The following DNAH8 variants were observed in gnomAD, a reference collection of about 807,000 sequenced individuals.
DNAH8 encodes dynein axonemal heavy chain 8.
DNAH8 carries 382 observed loss-of-function variants against 562.1 expected under a neutral mutation model. The ratio of observed to expected loss-of-function variants is 0.68; its 90% CI spans 0.63 to 0.74. DNAH8 has a LOEUF of 0.74. Ranked by LOEUF, DNAH8 falls within the 30% of genes least tolerant of loss-of-function variation. The pLI is 0.00. For synonymous variants in DNAH8, 1,881 were observed against 1,919.4 expected (o/e 0.98, Z 0.52); for missense variants, 5,203 against 5,620.4 (o/e 0.93, Z 2.37).
intron 60 of DNAH8, among the ~76,000 whole-genome samples, chr6:38,896,935 C>T (rs1032480922): frequency 3.9e-5 from 6 of 152,038 alleles, no homozygotes; most frequent in Admixed American, 6.6e-5. Context: ...ACAGGTGCCC[C>T]CCACCATGCC....
chr6:38,871,350 G>A (rs2150430526), intron 49 of DNAH8, among the ~76,000 whole-genome samples: 1 of 152,238 alleles, frequency 6.6e-6, no homozygotes, highest in East Asian at 1.9e-4. Context: ...TTCATGTACT[G>A]GAAACCATTT....
At chr6:38,931,058 T>C (rs1187093129) in intron 75 of DNAH8, among the ~76,000 whole-genome samples, 2 of 152,158 alleles carry the variant, frequency 1.3e-5, no homozygotes, top group Non-Finnish European at 2.9e-5. Flanking sequence ...AAGGAGGTTA[T>C]AGAATCTCTA....
At chr6:38,881,302 A>G (rs893674481) in intron 53 of DNAH8, among the ~76,000 whole-genome samples, 2 of 152,180 alleles carry the variant, frequency 1.3e-5, no homozygotes, top group African/African-American at 4.8e-5. Flanking sequence ...ACCAATATCA[A>G]TGTATGCTTT....
Position 38,932,011 on chromosome 6 carries a change from G to T in DNAH8, c.11457+18G>T. 6.7e-7 allele frequency: 1 copy of T among 1,488,822 alleles called. No individual in the cohort carries two copies. The highest frequency in any genetic ancestry group is 9.0e-7 in the Non-Finnish European group (1 of 1,116,444). 92.2% of individuals were successfully genotyped at this position (1,488,822 alleles called of 1,614,324 possible). A position where few individuals can be genotyped will look rare whatever the true frequency, so the allele number is the denominator to read the frequency against. On this transcript the variant is annotated intron_variant, in intron 76 of 92. Coordinates refer to ENST00000327475, the MANE Select transcript of DNAH8 (RefSeq NM_001206927.2). ...AGAAACAGGTAATCTCTCTCTCAAG[G>T]TAAAGAATTTCTGCTTATAATACAT...
In DNAH8 at chr6:39,012,629, A is replaced by C; in HGVS notation, c.13706A>C (p.Asn4569Thr). The C allele has an allele frequency of 6.2e-7, 1 of 1,613,308 alleles. No homozygotes were observed. Among genetic ancestry groups the C allele is most frequent in the Non-Finnish European group, 8.5e-7 (1 of 1,179,270 alleles). ...PNVFWMTGFFNPQGFLTAMRQ... is the reference protein window; with the variant it reads ...PNVFWMTGFFTPQGFLTAMRQ... ...GTGTTTTGGATGACTGGTTTCTTTA[A>C]TCCCCAAGGTATGTGCTCATAGGAG... Residue 4569 changes from asparagine to threonine, a missense_variant, in exon 91 of 93, where the codon AAT (asparagine) becomes ACT (threonine). Around this residue, in one of 6 missense-constraint regions of DNAH8, gnomAD observed 1,399 missense variants for 1,518.4 expected, o/e 0.92. Coordinates refer to ENST00000327475, the MANE Select transcript of DNAH8 (RefSeq NM_001206927.2).
At chr6:38,918,219 T>C in intron 70 of DNAH8, 79 bp downstream of exon 70, 3 of 1,064,302 alleles carry the variant, frequency 2.8e-6, no homozygotes, top group South Asian at 1.6e-5. Flanking sequence ...TAAAAGACAA[T>C]GCGTAGTTTA....
chr6:38,812,412 G>A (rs1317545349), intron 24 of DNAH8, among the ~76,000 whole-genome samples: 2 of 152,142 alleles, frequency 1.3e-5, no homozygotes, highest in Non-Finnish European at 2.9e-5. Context: ...TTTTTGAGGA[G>A]GCATACATGA....
In DNAH8 at chr6:38,906,198, C is replaced by A; in HGVS notation, c.9195-56C>A. ...CTGGGATTACAGGTGTGAGCCACCG[C>A]GCCCAGCCGACTATATATTTTTTAA... On this transcript the variant is annotated intron_variant, in intron 62 of 92. Coordinates refer to ENST00000327475, the MANE Select transcript of DNAH8 (RefSeq NM_001206927.2). 3.3e-6 allele frequency: 4 copies of A among 1,221,764 alleles called. No homozygotes were observed. The African/African-American group carries it at 4.6e-5, about 14-fold the overall frequency. 75.7% of individuals were successfully genotyped at this position (1,221,764 alleles called of 1,614,324 possible). A position where few individuals can be genotyped will look rare whatever the true frequency, so the allele number is the denominator to read the frequency against.
At chr6:38,878,062 C>T (rs1778162555) in intron 53 of DNAH8, among the ~76,000 whole-genome samples, 1 of 152,008 alleles carries the variant, frequency 6.6e-6, no homozygotes, top group African/African-American at 2.4e-5. Context: ...GGCAGAGCAC[C>T]AGAGAGGAGA....
chr6:38,730,062 C>T (rs2127573778), intron 4 of DNAH8, 76 bp downstream of exon 4: 2 of 688,712 alleles, frequency 2.9e-6, no homozygotes, highest in Non-Finnish European at 5.1e-6. Flanking sequence ...TTCTCTTATA[C>T]ATAGATAATC....
chr6:38,719,831 A>G (rs1562533271), intron 1 of DNAH8, among the ~76,000 whole-genome samples: 1 of 152,110 alleles, frequency 6.6e-6, no homozygotes, highest in East Asian at 1.9e-4. Flanking sequence ...CAGCCCTAAA[A>G]CCCTACCAAG....
At position 38,890,749 on chromosome 6, in the gene DNAH8, G is replaced by T; in HGVS notation, c.8571G>T (p.Trp2857Cys). The change falls in exon 58 of 93, where the codon TGG (tryptophan) becomes TGT (cysteine). Residue 2857 changes from tryptophan (W) to cysteine (C), a missense_variant. Trp to Cys is a radical substitution (Grantham distance 215). This residue lies in a region of DNAH8 where 977 missense variants were observed against 1,061.8 expected (regional missense o/e 0.92). Coordinates refer to ENST00000327475, the MANE Select transcript of DNAH8 (RefSeq NM_001206927.2). ...VNLVSVGRVLWQWTKVKMLPT... is the reference protein window; with the variant it reads ...VNLVSVGRVLCQWTKVKMLPT... ...TAGTCTCAGTGGGTAGAGTGCTGTG[G>T]CAATGGACTAAGGTACAGAATGGTT... 6.2e-7 allele frequency: 1 copy of T among 1,610,618 alleles called. No homozygotes were observed. Among genetic ancestry groups the T allele is most frequent in the South Asian group, 1.1e-5 (1 of 90,982 alleles).
At chr6:38,734,707 C>T (rs1281441523) in intron 5 of DNAH8, 82 bp downstream of exon 5, 42 of 1,461,186 alleles carry the variant, frequency 2.9e-5, no homozygotes, top group Non-Finnish European at 3.8e-5. Context: ...CTTTGCTTTC[C>T]CTTTTTAAAT....
In DNAH8 at chr6:38,864,085, A is replaced by G. The variant is rs754664776; in HGVS notation, c.6498+25A>G. ...GGTGAGAAAAAAGGCTTTAAATGCA[A>G]TTTAATTAGTTTAATTGTTACAGAC... On this transcript the variant is annotated intron_variant, in intron 45 of 92. Transcript: ENST00000327475. The G allele has an allele frequency of 2.0e-5, 32 of 1,591,684 alleles. No individual in the cohort carries two copies. The Admixed American group carries it at 4.2e-4, about 21-fold the overall frequency.
chr6:38,870,981 CACCTACACTAAA>C (rs1279484105), intron 49 of DNAH8, among the ~76,000 whole-genome samples: 1 of 152,178 alleles, frequency 6.6e-6, no homozygotes, highest in Non-Finnish European at 1.5e-5. Flanking sequence ...TTATATCCTT[CACCTACACTAAA>C]ACCTGAATCT....
At chr6:38,856,979 G>A (rs1460954863) in intron 41 of DNAH8, among the ~76,000 whole-genome samples, 1 of 152,086 alleles carries the variant, frequency 6.6e-6, no homozygotes, top group Non-Finnish European at 1.5e-5. Context: ...GACTTCATCA[G>A]GATACAAAGA....
chr6:38,790,249 C>T (rs1214792401), intron 19 of DNAH8, 40 bp from the exon 20 acceptor site: 6 of 1,041,872 alleles, frequency 5.8e-6, no homozygotes, highest in Non-Finnish European at 9.0e-6. Context: ...GCAGATGCTC[C>T]TGTTGATAAT....
chr6:38,914,520 T>G (rs1258411609), intron 67 of DNAH8, among the ~76,000 whole-genome samples: 1 of 151,016 alleles, frequency 6.6e-6, no homozygotes, highest in Admixed American at 6.7e-5. Context: ...CCTGCCTAAT[T>G]TTTGTATTTT....
chr6:38,902,431 C>A (rs1383963589), intron 62 of DNAH8, among the ~76,000 whole-genome samples: 1 of 152,150 alleles, frequency 6.6e-6, no homozygotes, highest in Non-Finnish European at 1.5e-5. Context: ...ACTCCTATGC[C>A]CCAGAGGCTG....
Sources: gnomAD v4.1 joint callset for allele counts (sites outside exome capture counted in the v4.1 genomes callset) on GRCh38, gnomAD v4.1.1 for gene constraint, gnomAD v4.1.1 regional missense constraint, MANE v1.5 for transcripts, NCBI Gene and HGNC (gene_info 2026-07-23, HGNC 2026-07-21) for gene names.